CLYBL: variants seen among roughly 807,000 people sequenced by gnomAD.
CLYBL encodes citramalyl-CoA lyase, also known as citramalyl-CoA lyase, mitochondrial.
A neutral mutation model predicts 38.9 loss-of-function variants in CLYBL; 31 were observed. That is an observed-to-expected ratio of 0.80 (90% CI 0.60 to 1.08). The LOEUF is 1.08. Ranked by LOEUF, CLYBL falls within the 50% of genes least tolerant of loss-of-function variation. CLYBL has a pLI of 0.00. For missense variants in CLYBL, 434 were observed against 411.6 expected (o/e 1.05, Z -0.47); for synonymous variants, 171 against 158.6 (o/e 1.08, Z -0.59).
At chr13:99,825,419 T>C (rs1285275275) in intron 2 of CLYBL, among the ~76,000 whole-genome samples, 1 of 152,236 alleles carries the variant, frequency 6.6e-6, no homozygotes, top group Non-Finnish European at 1.5e-5. Context: ...CTGTAAATGT[T>C]GCTTATTAGC....
At chr13:99,676,553 G>C (rs562880087) in intron 1 of CLYBL, among the ~76,000 whole-genome samples, 1 of 149,696 alleles carries the variant, frequency 6.7e-6, no homozygotes, top group African/African-American at 2.5e-5. Flanking sequence ...GCCTCCCAAA[G>C]TGCTGGGATT....
chr13:99,813,121 C>G (rs1437636567), intron 2 of CLYBL, among the ~76,000 whole-genome samples: 1 of 152,006 alleles, frequency 6.6e-6, no homozygotes, highest in South Asian at 2.1e-4. Context: ...AAATGGTGAA[C>G]CATTTTTATT....
At chr13:99,659,900 T>A (rs988461638) in intron 1 of CLYBL, among the ~76,000 whole-genome samples, 8 of 152,188 alleles carry the variant, frequency 5.3e-5, no homozygotes, top group Non-Finnish European at 7.3e-5. Flanking sequence ...GTTAGCAGTC[T>A]CTCTTCTGTG....
intron 2 of CLYBL, among the ~76,000 whole-genome samples, chr13:99,805,454 C>T (rs7326772): frequency 0.03 from 4,586 of 151,564 alleles, 126 homozygotes; most frequent in East Asian, 0.075. Context: ...CTGGAAGTCA[C>T]GGATAAAAAC....
chr13:99,664,589 T>G (rs2047453836), intron 1 of CLYBL, among the ~76,000 whole-genome samples: 1 of 152,238 alleles, frequency 6.6e-6, no homozygotes, highest in Admixed American at 6.5e-5. Context: ...TTGAATGAGT[T>G]CTGCAGGAAG....
intron 1 of CLYBL, among the ~76,000 whole-genome samples, chr13:99,675,493 A>G (rs2047630713): frequency 6.6e-6 from 1 of 152,220 alleles, no homozygotes; most frequent in Admixed American, 6.5e-5. Flanking sequence ...CAGCCCCAAA[A>G]GAAACCCTGT....
chr13:99,815,595 TA>T (rs1041708694), intron 2 of CLYBL, among the ~76,000 whole-genome samples: 1 of 151,902 alleles, frequency 6.6e-6, no homozygotes, highest in East Asian at 1.9e-4. Flanking sequence ...TAAAAATAAA[TA>T]AAAAATTGGC....
chr13:99,678,767 G>A (rs929413984), intron 1 of CLYBL, among the ~76,000 whole-genome samples: 1 of 152,016 alleles, frequency 6.6e-6, no homozygotes, highest in Non-Finnish European at 1.5e-5. Context: ...TAAAAGGTAG[G>A]CAGAAAGAGC....
At chr13:99,880,128 C>T (rs957563746) in intron 7 of CLYBL, among the ~76,000 whole-genome samples, 1 of 137,214 alleles carries the variant, frequency 7.3e-6, no homozygotes, top group African/African-American at 2.8e-5. Flanking sequence ...AGTACAATGG[C>T]GGGATCTTGG....
At chr13:99,789,795 G>A (rs2138882300) in intron 2 of CLYBL, among the ~76,000 whole-genome samples, 1 of 152,182 alleles carries the variant, frequency 6.6e-6, no homozygotes, top group South Asian at 2.1e-4. Context: ...GTTGACTGTG[G>A]GGTGTTAAAG....
rs559439934 is a variant in CLYBL at position 99,871,358 on chromosome 13, T to C, written c.927+296T>C. Among the ~76,000 whole-genome samples, 11 of 152,344 alleles carry C rather than the reference T, an allele frequency of 7.2e-5. No homozygotes were observed. In the South Asian group the frequency reaches 1.2e-3, roughly 17 times the overall value. On this transcript the variant is annotated intron_variant, in intron 7 of 8. Coordinates refer to ENST00000339105, the MANE Select transcript of CLYBL (RefSeq NM_206808.5). Reference sequence around the variant, plus strand: ...TTTAGTTTTTCTCTACAGACTTCTATGCAGCATTCATATGAAAATAATCCT... The same window carrying C: ...TTTAGTTTTTCTCTACAGACTTCTACGCAGCATTCATATGAAAATAATCCT...
intron 1 of CLYBL, among the ~76,000 whole-genome samples, chr13:99,684,145 G>T (rs1321976301): frequency 6.9e-6 from 1 of 145,314 alleles, no homozygotes; most frequent in Non-Finnish European, 1.5e-5. Flanking sequence ...CTCCCAAAGT[G>T]CTATGATTAC....
chr13:99,851,591 A>G (rs1794174616), intron 2 of CLYBL, among the ~76,000 whole-genome samples: 1 of 152,176 alleles, frequency 6.6e-6, no homozygotes, highest in African/African-American at 2.4e-5. Context: ...TCTCAACATC[A>G]TTAGTCATGA....
intron 7 of CLYBL, among the ~76,000 whole-genome samples, chr13:99,881,278 A>G (rs563341366): frequency 1.3e-5 from 2 of 152,358 alleles, no homozygotes; most frequent in East Asian, 3.9e-4. Context: ...TTATCTGGCA[A>G]TAGGAACGAA....
At chr13:99,697,952 A>C (rs899190834) in intron 1 of CLYBL, among the ~76,000 whole-genome samples, 1 of 152,000 alleles carries the variant, frequency 6.6e-6, no homozygotes, top group Non-Finnish European at 1.5e-5. Flanking sequence ...CGGGCCTCCC[A>C]ACAGGCTTTT....
chr13:99,646,401 T>C (rs191872452), intron 1 of CLYBL, among the ~76,000 whole-genome samples: 1 of 152,024 alleles, frequency 6.6e-6, no homozygotes, highest in African/African-American at 2.4e-5. Flanking sequence ...GTCCAAAGGG[T>C]GAATGTCTGT....
rs1366110606 is a variant in CLYBL, at chr13:99,819,465, T to TATATATATATAA, written c.250-39393_250-39392insTATATATAAATA. Among the ~76,000 whole-genome samples, 378 of 58,660 alleles carry TATATATATATAA rather than the reference T, an allele frequency of 6.4e-3. 30 individuals are homozygous for TATATATATATAA. Among genetic ancestry groups the TATATATATATAA allele is most frequent in the East Asian group, 0.01 (19 of 1,832 alleles). The allele number at this position is 58,660 out of a possible 152,430, so 38.5% of individuals were successfully genotyped here. ...ATATATATATATATATATATATATA[T>TATATATATATAA]ATAATATTTGTCAGGGTTGTCTGGG... On this transcript the variant is annotated intron_variant, in intron 2 of 8. Transcript: ENST00000339105.
intron 1 of CLYBL, among the ~76,000 whole-genome samples, chr13:99,761,050 G>A (rs148106787): frequency 8.9e-4 from 136 of 152,152 alleles, no homozygotes; most frequent in Middle Eastern, 3.4e-3. Context: ...TCTGGTAACC[G>A]TTAATATTTT....
chr13:99,623,299 G>A (rs2046823592), intron 1 of CLYBL, among the ~76,000 whole-genome samples: 1 of 152,174 alleles, frequency 6.6e-6, no homozygotes, highest in South Asian at 2.1e-4. Flanking sequence ...AGCCATCCTA[G>A]TAGATGTGAA....
Sources: gnomAD v4.1 joint callset for allele counts (sites outside exome capture counted in the v4.1 genomes callset) on GRCh38, gnomAD v4.1.1 for gene constraint, MANE v1.5 for transcripts, NCBI Gene and HGNC (gene_info 2026-07-23, HGNC 2026-07-21) for gene names.